The following CSRNP2 variants were observed in gnomAD, a reference collection of about 807,000 sequenced individuals.
The protein encoded by CSRNP2 is cysteine/serine-rich nuclear protein 2.
Under a neutral mutation model 36.6 loss-of-function variants are expected in CSRNP2, and 11 were observed. The observed-to-expected ratio is 0.30, with a 90% CI of 0.19 to 0.50. The LOEUF is 0.50. Ranked by LOEUF, CSRNP2 falls within the 20% of genes least tolerant of loss-of-function variation. The probability of loss-of-function intolerance (pLI) is 0.98; values close to 1 mark genes in which losing one functional copy is unlikely to be tolerated. For missense variants in CSRNP2, 483 were observed against 691.4 expected, an observed-to-expected ratio of 0.70 and a Z score of 3.38; for synonymous variants, 248 against 275.3, an observed-to-expected ratio of 0.90 and a Z score of 0.98.
At position 51,079,515 on chromosome 12, in the gene CSRNP2, CACTTTGGGAGGCCG is replaced by C. The variant is rs1252067959; in HGVS notation, c.-86-2882_-86-2869del. ...CAGTGGCTCATGTCTGTCATCCCAG[CACTTTGGGAGGCCG>C]AGGCGGGCAGATCACCTGAGGCTGG... is the stretch of plus-strand genomic sequence containing the variant. On this transcript the variant is annotated intron_variant, in intron 1 of 4. Coordinates refer to ENST00000228515, the MANE Select transcript of CSRNP2 (RefSeq NM_030809.3). 2.6e-5 allele frequency among the ~76,000 whole-genome samples: 4 copies of C among 151,434 alleles called. No homozygotes were observed. In the East Asian group the frequency reaches 7.8e-4, roughly 29 times the overall value.
chr12:51,081,194 G>A (rs927038721), intron 1 of CSRNP2, among the ~76,000 whole-genome samples: 2 of 152,090 alleles, frequency 1.3e-5, no homozygotes, highest in African/African-American at 2.4e-5. Flanking sequence ...AGGCTAAGGC[G>A]GGAGGATTGC....
intron 1 of CSRNP2, among the ~76,000 whole-genome samples, chr12:51,081,844 A>C (rs1939656100): frequency 6.7e-6 from 1 of 150,260 alleles, no homozygotes; most frequent in African/African-American, 2.5e-5. Context: ...AAACAACAAC[A>C]ACAACAAAAA....
At chr12:51,073,559 C>T (rs1013734916) in intron 3 of CSRNP2, among the ~76,000 whole-genome samples, 1 of 151,700 alleles carries the variant, frequency 6.6e-6, no homozygotes, top group Non-Finnish European at 1.5e-5. Flanking sequence ...TGGCAAAACC[C>T]TGTCTCTACT....
chr12:51,079,869 T>C (rs1939557324), intron 1 of CSRNP2, among the ~76,000 whole-genome samples: 1 of 145,202 alleles, frequency 6.9e-6, no homozygotes, highest in Admixed American at 7.0e-5. Flanking sequence ...GGTCAAGAGA[T>C]CGAGACCATC....
chr12:51,074,053 G>C lies in CSRNP2; in HGVS notation c.181C>G (p.Leu61Val). The C allele has an allele frequency of 6.2e-7, 1 of 1,614,186 alleles. No individual in the cohort carries two copies. Residue 61 changes from leucine (L) to valine (V), a missense_variant, in exon 3 of 5, where the codon CTG becomes GTG. By Grantham distance (32) the Leu-to-Val change is conservative. Transcript: ENST00000228515. ...TCAAAGCGTACATTCTTCCTCCGCA[G>C]CTGCTTCTGCCGCTTCAGGATGGAT... is the stretch of plus-strand genomic sequence containing the variant. Reference protein sequence around the residue: ...PTSILKRQKQLRRKNVRFDQV... With the variant: ...PTSILKRQKQVRRKNVRFDQV...
chr12:51,067,939 C>T lies in CSRNP2; in HGVS notation c.442G>A (p.Glu148Lys), dbSNP rs749851950. The T allele has an allele frequency of 1.9e-6, 3 of 1,614,146 alleles. No individual in the cohort carries two copies. Among genetic ancestry groups the T allele is most frequent in the Non-Finnish European group, 2.5e-6 (3 of 1,180,016 alleles). Residue 148 changes from glutamate (E) to lysine (K), a missense_variant, in exon 4 of 5, where the codon GAG becomes AAG. By Grantham distance (56) the Glu-to-Lys change is moderately conservative. Coordinates refer to ENST00000228515, the MANE Select transcript of CSRNP2 (RefSeq NM_030809.3). This position sits in a 1 kb window ranked among gnomAD's most constrained non-coding sequence, Gnocchi z 4.1. ...TCATCCAGCGTCAGGCCATCAGCCTCCACCGACTCCACTGTCCCATTCTTG... is the reference window on the plus strand; with the variant it reads ...TCATCCAGCGTCAGGCCATCAGCCTTCACCGACTCCACTGTCCCATTCTTG... Reference protein sequence around the residue: ...LTKNGTVESVEADGLTLDDVS... With the variant: ...LTKNGTVESVKADGLTLDDVS...
At chr12:51,078,815 G>A (rs1214590335) in intron 1 of CSRNP2, among the ~76,000 whole-genome samples, 1 of 152,180 alleles carries the variant, frequency 6.6e-6, no homozygotes, top group African/African-American at 2.4e-5. Flanking sequence ...ACAGTGTGGC[G>A]ATTCCTCAAG....
rs1219745588 is a variant in CSRNP2, at chr12:51,069,198, ATC to A, written c.412-1231_412-1230del. On this transcript the variant is annotated intron_variant, in intron 3 of 4. Coordinates refer to ENST00000228515, the MANE Select transcript of CSRNP2 (RefSeq NM_030809.3). Reference sequence around the variant, plus strand: ...CACCGTGTTAGCCAGGATGGTCTCAATCTCCTGACCTTGTAATCTGCCCACCT... The same window carrying A: ...CACCGTGTTAGCCAGGATGGTCTCAATCCTGACCTTGTAATCTGCCCACCT... Among the ~76,000 whole-genome samples, 4 of 151,550 alleles carry A rather than the reference ATC, an allele frequency of 2.6e-5. 1 individual carries two copies. The South Asian group carries it at 8.3e-4, about 31-fold the overall frequency.
intron 1 of CSRNP2, among the ~76,000 whole-genome samples, chr12:51,082,338 G>C (rs758868022): frequency 5.3e-5 from 8 of 152,136 alleles, no homozygotes; most frequent in Non-Finnish European, 8.8e-5. Flanking sequence ...CACAAGGTTA[G>C]AATTTTCCAT....
At position 51,061,670 on chromosome 12, in the gene CSRNP2, A is replaced by G. The variant is rs1329007886; in HGVS notation, c.*2076T>C. ...ATTAAGAAACTACAGGTTTTCAGAA[A>G]CATATCTTGTGGGTTGGCAATGAGC... On this transcript the variant is annotated 3_prime_UTR_variant, in exon 5 of 5. Coordinates refer to ENST00000228515, the MANE Select transcript of CSRNP2 (RefSeq NM_030809.3). 1 of 152,338 alleles carries G rather than the reference A, an allele frequency of 6.6e-6. No individual in the cohort carries two copies. The highest frequency in any genetic ancestry group is 1.5e-5 in the Non-Finnish European group (1 of 68,050). The allele number at this position is 152,338 out of a possible 1,614,324, so 9.4% of individuals were successfully genotyped here.
At position 51,064,250 on chromosome 12, in the gene CSRNP2, TG is replaced by T; in HGVS notation, c.1127del (p.Thr376LysfsTer31). ...AVPEELCPGL[T>X]APILIQAQLP... Reference sequence around the variant, plus strand: ...GCTGAGCCTGGATGAGAATGGGGGCTGTAAGGCCTGGGCACAGCTCTTCGGG... The same window carrying T: ...GCTGAGCCTGGATGAGAATGGGGGCTTAAGGCCTGGGCACAGCTCTTCGGG... On this transcript the variant is annotated frameshift_variant, in exon 5 of 5. Coordinates refer to ENST00000228515, the MANE Select transcript of CSRNP2 (RefSeq NM_030809.3). LOFTEE classifies it high-confidence loss of function. 6.2e-7 allele frequency: 1 copy of T among 1,613,238 alleles called. No individual in the cohort carries two copies. Among genetic ancestry groups the T allele is most frequent in the Non-Finnish European group, 8.5e-7 (1 of 1,179,664 alleles).
intron 3 of CSRNP2, among the ~76,000 whole-genome samples, chr12:51,072,461 G>A (rs201074362): frequency 3.3e-5 from 5 of 150,638 alleles, no homozygotes; most frequent in Non-Finnish European, 7.4e-5. Context: ...TATTCAGGAG[G>A]CTGAGGCAGG....
Position 51,067,214 on chromosome 12 carries a change from T to G in CSRNP2, c.708+459A>C, listed in dbSNP as rs560967381. Among the ~76,000 whole-genome samples, 1 of 152,142 alleles carries G rather than the reference T, an allele frequency of 6.6e-6. No individual in the cohort carries two copies. Among genetic ancestry groups the G allele is most frequent in the East Asian group, 1.9e-4 (1 of 5,164 alleles). On this transcript the variant is annotated intron_variant, in intron 4 of 4. Transcript: ENST00000228515. This position sits in a 1 kb window ranked among gnomAD's most constrained non-coding sequence, Gnocchi z 4.1. ...TTAGGAATCAGTATTTAGGAAACATTTACTAAATGTTAAATGTACTAACTC... is the reference window on the plus strand; with the variant it reads ...TTAGGAATCAGTATTTAGGAAACATGTACTAAATGTTAAATGTACTAACTC...
chr12:51,075,417 C>A (rs990582930), intron 2 of CSRNP2, among the ~76,000 whole-genome samples: 3 of 152,088 alleles, frequency 2.0e-5, no homozygotes, highest in African/African-American at 7.2e-5. Context: ...CAGCCACTAA[C>A]CACATTTCAA....
intron 1 of CSRNP2, among the ~76,000 whole-genome samples, chr12:51,078,076 C>T (rs959049146): frequency 6.6e-6 from 1 of 152,176 alleles, no homozygotes; most frequent in South Asian, 2.1e-4. Flanking sequence ...TCACTAGTTG[C>T]TAATTATGCA....
intron 4 of CSRNP2, among the ~76,000 whole-genome samples, chr12:51,066,664 A>AAG (rs1164827750): frequency 6.6e-6 from 1 of 151,708 alleles, no homozygotes; most frequent in Non-Finnish European, 1.5e-5. Context: ...GGCAGCCAAC[A>AAG]AGAGATGATA....
At chr12:51,066,701 T>C (rs1938390376) in intron 4 of CSRNP2, among the ~76,000 whole-genome samples, 1 of 152,218 alleles carries the variant, frequency 6.6e-6, no homozygotes, top group South Asian at 2.1e-4. Context: ...ACTATGGTTT[T>C]AAGCTCTGCT....
chr12:51,082,256 C>G (rs1488578832), intron 1 of CSRNP2, among the ~76,000 whole-genome samples: 1 of 152,144 alleles, frequency 6.6e-6, no homozygotes, highest in Non-Finnish European at 1.5e-5. Context: ...GAAAACCCCC[C>G]GCTTAAGTTA....
intron 3 of CSRNP2, among the ~76,000 whole-genome samples, chr12:51,068,488 T>C (rs975823734): frequency 3.9e-5 from 6 of 152,190 alleles, no homozygotes; most frequent in African/African-American, 1.4e-4. Flanking sequence ...CTGGCTGCTA[T>C]ATTCACTAGC....
Sources: gnomAD v4.1 joint callset for allele counts (sites outside exome capture counted in the v4.1 genomes callset) on GRCh38, gnomAD v4.1.1 for gene constraint, Gnocchi (gnomAD v3.1) non-coding constraint, MANE v1.5 for transcripts, NCBI Gene and HGNC (gene_info 2026-07-23, HGNC 2026-07-21) for gene names.